CHIA: variants seen among roughly 807,000 people sequenced by gnomAD.
CHIA encodes acidic mammalian chitinase.
In CHIA, 47 loss-of-function variants were observed where a neutral mutation model predicts 53.5. That is an observed-to-expected ratio of 0.88 (90% confidence interval 0.70 to 1.12). CHIA has a LOEUF of 1.12. Among genes scored for constraint, CHIA ranks in the 50% most tolerant of loss-of-function variants. CHIA has a pLI of 0.00. For synonymous variants in CHIA, 268 were observed against 222.2 expected (o/e 1.21, Z -1.83); for missense variants, 652 against 592.2 (o/e 1.10, Z -1.05).
At chr1:111,320,104 A>G (rs1023187403) in intron 11 of CHIA, 109 bp from the exon 12 acceptor site, 1 of 946,134 alleles carries the variant, frequency 1.1e-6, no homozygotes, top group Non-Finnish European at 1.6e-6. Context: ...ATCCAGAGCC[A>G]ACTGCACCCC....
intron 6 of CHIA, chr1:111,316,155 G>A (rs1649141227): frequency 8.4e-6 from 2 of 237,108 alleles, no homozygotes; most frequent in Non-Finnish European, 1.7e-5. Flanking sequence ...GGATGGGAAT[G>A]GCACAAATGA....
chr1:111,298,641 A>G (rs12064178), intron 1 of CHIA, among the ~76,000 whole-genome samples: 36,752 of 152,114 alleles, frequency 0.24, 4,738 homozygotes, highest in African/African-American at 0.32. Flanking sequence ...AGCAGGAAAG[A>G]TCTAAAATCA....
chr1:111,297,728 T>C (rs1647293798), intron 1 of CHIA, among the ~76,000 whole-genome samples: 1 of 151,960 alleles, frequency 6.6e-6, no homozygotes, highest in African/African-American at 2.4e-5. Flanking sequence ...CATAACATAC[T>C]AACATTAAAT....
At chr1:111,291,738 A>T (rs1661033467) in intron 1 of CHIA, among the ~76,000 whole-genome samples, 1 of 149,668 alleles carries the variant, frequency 6.7e-6, no homozygotes, top group Admixed American at 6.7e-5. Context: ...CAAATGAATT[A>T]GTATTTTATT....
intron 1 of CHIA, 145 bp from the exon 2 acceptor site, chr1:111,310,255 C>A: frequency 2.1e-6 from 2 of 952,536 alleles, no homozygotes; most frequent in Non-Finnish European, 3.0e-6. Context: ...TGACATTGTT[C>A]TGTCCTTGTT....
rs149741028 is a variant in CHIA at position 111,317,867 on chromosome 1, C to T, written c.605+62C>T. 2,154 of 1,610,754 alleles carry T rather than the reference C, an allele frequency of 1.3e-3. 24 individuals are homozygous for T. In the African/African-American group the frequency reaches 0.022, roughly 17 times the overall value. Reference sequence around the variant, plus strand: ...GTCACTCGGGCACACTAGACTTGTCCTTGGTCTGGCTTGCTATTCAGGGAC... The same window carrying T: ...GTCACTCGGGCACACTAGACTTGTCTTTGGTCTGGCTTGCTATTCAGGGAC... On this transcript the variant is annotated intron_variant, in intron 7 of 11. Transcript: ENST00000369740.
chr1:111,308,964 G>C (rs1049855365), intron 1 of CHIA, among the ~76,000 whole-genome samples: 1 of 152,178 alleles, frequency 6.6e-6, no homozygotes, highest in East Asian at 1.9e-4. Context: ...TGTAGTGTTT[G>C]TTGATATGAT....
rs1649426068 is a variant in CHIA at position 111,319,114 on chromosome 1, T to C, written c.916-6T>C. On this transcript the variant is annotated splice_region_variant and splice_polypyrimidine_tract_variant and intron_variant, in intron 9 of 11. Transcript: ENST00000369740. ...TAATAGATTTGAATCTCTTGACTTT[T>C]GAAAGATCTGTACCTTCCTGAAAAA... 1 of 1,606,904 alleles carries C rather than the reference T, an allele frequency of 6.2e-7. No individual in the cohort carries two copies. Among genetic ancestry groups the C allele is most frequent in the Non-Finnish European group, 8.5e-7 (1 of 1,178,146 alleles).
intron 1 of CHIA, among the ~76,000 whole-genome samples, chr1:111,294,534 G>A (rs1436108703): frequency 6.6e-6 from 1 of 152,092 alleles, no homozygotes; most frequent in Non-Finnish European, 1.5e-5. Flanking sequence ...CAAATTGGAT[G>A]CCTTTTATGT....
intron 1 of CHIA, among the ~76,000 whole-genome samples, chr1:111,299,017 A>C (rs1030706667): frequency 6.6e-6 from 1 of 152,174 alleles, no homozygotes; most frequent in African/African-American, 2.4e-5. Flanking sequence ...GGACACATAC[A>C]TCCTCCCAAG....
rs1469645954 is a variant in CHIA, at chr1:111,317,974, A to AC, written c.606-8dup. On this transcript the variant is annotated splice_polypyrimidine_tract_variant and intron_variant, in intron 7 of 11. Transcript: ENST00000369740. ...CCATCAGAATGATTTTAAATCCTCC[A>AC]CCCCACCTCAGGTACCTGGACTACA... The AC allele has an allele frequency of 6.2e-7, 1 of 1,613,908 alleles. No individual in the cohort carries two copies. The highest frequency in any genetic ancestry group is 1.3e-5 in the African/African-American group (1 of 74,992).
At chr1:111,318,200 G>C in intron 8 of CHIA, 91 bp downstream of exon 8, 2 of 1,311,648 alleles carry the variant, frequency 1.5e-6, no homozygotes, top group Non-Finnish European at 2.1e-6. Flanking sequence ...AAGTTTAGTG[G>C]TTTTCTCAAA....
chr1:111,297,263 C>T (rs769267659), intron 1 of CHIA, among the ~76,000 whole-genome samples: 14 of 152,040 alleles, frequency 9.2e-5, no homozygotes, highest in East Asian at 1.9e-4. Context: ...AATCCCAAGA[C>T]GCATAATAGT....
chr1:111,308,579 T>C (rs1207254072), intron 1 of CHIA, among the ~76,000 whole-genome samples: 1 of 152,228 alleles, frequency 6.6e-6, no homozygotes, highest in Non-Finnish European at 1.5e-5. Context: ...CTTTACTTTT[T>C]ATTCTTTTAG....
intron 8 of CHIA, 49 bp downstream of exon 8, chr1:111,318,158 T>C: frequency 1.4e-6 from 2 of 1,480,742 alleles, no homozygotes. Context: ...ATGATGAAAA[T>C]CACATAGAGA....
In CHIA at chr1:111,311,672, T is replaced by C; in HGVS notation, c.26-17T>C. ...CAGACAATCGGTTCAAAGTACATGC[T>C]TTTTCTTTCTATCCAGGTCTTGTCC... On this transcript the variant is annotated splice_polypyrimidine_tract_variant and intron_variant, in intron 2 of 11. Transcript: ENST00000369740. 1 of 1,613,982 alleles carries C rather than the reference T, an allele frequency of 6.2e-7. No individual in the cohort carries two copies. Among genetic ancestry groups the C allele is most frequent in the Non-Finnish European group, 8.5e-7 (1 of 1,179,874 alleles).
At chr1:111,308,470 A>G (rs1220533225) in intron 1 of CHIA, among the ~76,000 whole-genome samples, 1 of 152,260 alleles carries the variant, frequency 6.6e-6, no homozygotes, top group Admixed American at 6.5e-5. Context: ...TAATTTTCTC[A>G]TCAGCAAAAT....
chr1:111,306,973 T>G (rs1276424488), intron 1 of CHIA, among the ~76,000 whole-genome samples: 3 of 152,306 alleles, frequency 2.0e-5, no homozygotes, highest in South Asian at 2.1e-4. Context: ...AGATGTGGAG[T>G]GATAGGAATT....
At chr1:111,298,603 T>C (rs1422397441) in intron 1 of CHIA, among the ~76,000 whole-genome samples, 5 of 152,078 alleles carry the variant, frequency 3.3e-5, no homozygotes, top group African/African-American at 4.8e-5. Context: ...TAGAGGGAAA[T>C]TTATAGCACT....
Sources: gnomAD v4.1 joint callset for allele counts (sites outside exome capture counted in the v4.1 genomes callset) on GRCh38, gnomAD v4.1.1 for gene constraint, MANE v1.5 for transcripts, NCBI Gene and HGNC (gene_info 2026-07-23, HGNC 2026-07-21) for gene names.